IGF1R: variants seen among roughly 807,000 people sequenced by gnomAD.
IGF1R encodes insulin-like growth factor 1 receptor.
Under a neutral mutation model 144.6 loss-of-function variants are expected in IGF1R, and 44 were observed. That is an observed-to-expected ratio of 0.30 (90% CI 0.24 to 0.39). The LOEUF is 0.39. Ranked by LOEUF, IGF1R falls within the 10% of genes least tolerant of loss-of-function variation. IGF1R has a pLI of 1.00. For synonymous variants in IGF1R, 795 were observed against 722.8 expected (o/e 1.10, Z -1.60); for missense variants, 1,355 against 1,833.7 (o/e 0.74, Z 4.77).
chr15:98,908,938 C>G (rs746288164), intron 6 of IGF1R, 39 bp downstream of exon 6: 13 of 1,563,650 alleles, frequency 8.3e-6, no homozygotes, highest in Admixed American at 5.2e-5. Context: ...GCCCAACCAT[C>G]ATGATAACAG....
intron 20 of IGF1R, among the ~76,000 whole-genome samples, chr15:98,949,061 C>T (rs1189068582): frequency 6.6e-6 from 1 of 152,190 alleles, no homozygotes; most frequent in Non-Finnish European, 1.5e-5. Flanking sequence ...AAGGCTACAA[C>T]ACAACACATA....
chr15:98,750,399 C>T (rs2141332455), intron 2 of IGF1R, among the ~76,000 whole-genome samples: 1 of 152,342 alleles, frequency 6.6e-6, no homozygotes, highest in Middle Eastern at 3.4e-3. Context: ...TTCTCGTCGT[C>T]CAGGTGCAAA....
intron 2 of IGF1R, among the ~76,000 whole-genome samples, chr15:98,739,349 T>TA (rs2054684536): frequency 1.3e-5 from 2 of 152,168 alleles, no homozygotes; most frequent in African/African-American, 4.8e-5. Context: ...TAGCAACTCT[T>TA]AGGCCTGCGT....
At chr15:98,862,611 G>A (rs1162852977) in intron 2 of IGF1R, among the ~76,000 whole-genome samples, 2 of 152,148 alleles carry the variant, frequency 1.3e-5, no homozygotes, top group Non-Finnish European at 2.9e-5. Context: ...TGAGGTGCAC[G>A]GCTTTTAGTA....
rs368474118 is a variant in IGF1R at position 98,892,527 on chromosome 15, C to CAAAA, written c.953+905_953+908dup. Among the ~76,000 whole-genome samples the CAAAA allele has an allele frequency of 7.0e-4, 53 of 75,536 alleles. 2 individuals are homozygous for CAAAA. The highest frequency in any genetic ancestry group is 2.5e-3 in the Admixed American group (19 of 7,520). 49.6% of individuals were successfully genotyped at this position (75,536 alleles called of 152,430 possible). A position where few individuals can be genotyped will look rare whatever the true frequency, so the allele number is the denominator to read the frequency against. Reference sequence around the variant, plus strand: ...GGGAGACAGAGTCTCACTCTGTCTCCAAAAAAAAAAAAAAAAAAGAGAAGT... The same window carrying CAAAA: ...GGGAGACAGAGTCTCACTCTGTCTCCAAAAAAAAAAAAAAAAAAAAAAGAGAAGT... On this transcript the variant is annotated intron_variant, in intron 3 of 20. Transcript: ENST00000650285.
At chr15:98,948,497 G>T in intron 19 of IGF1R, 77 bp from the exon 20 acceptor site, 2 of 1,461,100 alleles carry the variant, frequency 1.4e-6, no homozygotes, top group Non-Finnish European at 1.9e-6. Flanking sequence ...CGGGATGTAA[G>T]AAGTGCTGGA....
At chr15:98,759,188 G>A (rs1051387681) in intron 2 of IGF1R, among the ~76,000 whole-genome samples, 8 of 152,290 alleles carry the variant, frequency 5.3e-5, no homozygotes, top group African/African-American at 1.9e-4. Flanking sequence ...TCACTCCACA[G>A]CTGGAAAACT....
intron 1 of IGF1R, among the ~76,000 whole-genome samples, chr15:98,657,737 T>G (rs1315913521): frequency 6.6e-6 from 1 of 152,252 alleles, no homozygotes; most frequent in African/African-American, 2.4e-5. Flanking sequence ...AATTGGGATT[T>G]TCTTTCTCAC....
At chr15:98,834,454 G>A (rs2057057752) in intron 2 of IGF1R, among the ~76,000 whole-genome samples, 1 of 152,208 alleles carries the variant, frequency 6.6e-6, no homozygotes, top group African/African-American at 2.4e-5. Context: ...GTCAGATTCT[G>A]GTAAAAACTC....
chr15:98,931,657 C>A (rs1397605351), intron 15 of IGF1R, among the ~76,000 whole-genome samples: 1 of 150,880 alleles, frequency 6.6e-6, no homozygotes, highest in Admixed American at 6.6e-5. Flanking sequence ...GCACACCACA[C>A]TTACAAGAGT....
Position 98,913,269 on chromosome 15 carries a change from C to T in IGF1R, c.1815C>T (p.Arg605=). 5 of 1,613,442 alleles carry T rather than the reference C, an allele frequency of 3.1e-6. No individual in the cohort carries two copies. The highest frequency in any genetic ancestry group is 3.4e-6 in the Non-Finnish European group (4 of 1,179,342). The change falls in exon 8 of 21, where the codon CGC becomes CGT. Residue 605 remains arginine (R), a synonymous_variant. Transcript: ENST00000650285. ...CCAAGAGTGAGATCTTGTACATTCGCACCAATGCTTCAGGTATCCATGCCT... is the reference window on the plus strand; with the variant it reads ...CCAAGAGTGAGATCTTGTACATTCGTACCAATGCTTCAGGTATCCATGCCT... ...RGAKSEILYI[R]TNASVPSIPL...
At chr15:98,806,829 G>A (rs2056482346) in intron 2 of IGF1R, among the ~76,000 whole-genome samples, 2 of 152,138 alleles carry the variant, frequency 1.3e-5, no homozygotes. Context: ...TTAGGGCACA[G>A]CTGACCCTAA....
intron 1 of IGF1R, among the ~76,000 whole-genome samples, chr15:98,675,982 C>T (rs369242635): frequency 2.2e-4 from 33 of 151,618 alleles, no homozygotes; most frequent in Non-Finnish European, 4.3e-4. Flanking sequence ...TGCGCCACCA[C>T]GCCTGGCTAT....
intron 2 of IGF1R, among the ~76,000 whole-genome samples, chr15:98,858,726 A>G (rs2011974911): frequency 6.6e-6 from 1 of 152,226 alleles, no homozygotes; most frequent in Non-Finnish European, 1.5e-5. Context: ...AAACCAGCAC[A>G]GCACTCCGTG....
At chr15:98,945,400 C>A in intron 19 of IGF1R, among the ~76,000 whole-genome samples, 1 of 152,178 alleles carries the variant, frequency 6.6e-6, no homozygotes, top group Non-Finnish European at 1.5e-5. Context: ...CCAGCCAGCA[C>A]GGGCATTGCA....
At chr15:98,861,359 C>G (rs1282566057) in intron 2 of IGF1R, among the ~76,000 whole-genome samples, 2 of 152,160 alleles carry the variant, frequency 1.3e-5, no homozygotes, top group Non-Finnish European at 2.9e-5. Context: ...GCTCCGCCCT[C>G]CTAGTCCTTC....
At chr15:98,905,063 C>T (rs1192237678) in intron 5 of IGF1R, among the ~76,000 whole-genome samples, 1 of 152,222 alleles carries the variant, frequency 6.6e-6, no homozygotes, top group African/African-American at 2.4e-5. Flanking sequence ...ATCTTTTGCC[C>T]AGAGGGGTTC....
chr15:98,845,177 A>G (rs946234586), intron 2 of IGF1R, among the ~76,000 whole-genome samples: 1 of 152,146 alleles, frequency 6.6e-6, no homozygotes, highest in African/African-American at 2.4e-5. Flanking sequence ...TATGTTTCTA[A>G]TACTTTATTC....
chr15:98,881,679 G>A (rs549133641), intron 2 of IGF1R, among the ~76,000 whole-genome samples: 1 of 152,178 alleles, frequency 6.6e-6, no homozygotes, highest in South Asian at 2.1e-4. Flanking sequence ...CATAAACACG[G>A]TGGGGGAAGA....
Sources: allele counts gnomAD v4.1 joint callset (sites outside exome capture counted in the v4.1 genomes callset), GRCh38; gene constraint gnomAD v4.1.1; transcripts MANE v1.5; gene names NCBI Gene and HGNC (gene_info 2026-07-23, HGNC 2026-07-21).